TRAPPC10: variants seen among roughly 807,000 people sequenced by gnomAD.
The protein encoded by TRAPPC10 is trafficking protein particle complex subunit 10.
In TRAPPC10, 23 loss-of-function variants were observed where a neutral mutation model predicts 125.5. The observed-to-expected ratio is 0.18, with a 90% CI of 0.13 to 0.26. TRAPPC10 has a LOEUF of 0.26. Among genes scored for constraint, TRAPPC10 ranks in the 10% least tolerant of loss-of-function variants. TRAPPC10 has a pLI of 1.00. For synonymous variants in TRAPPC10, 509 were observed against 518.0 expected (o/e 0.98, Z 0.24); for missense variants, 1,123 against 1,308.4 (o/e 0.86, Z 2.19).
chr21:44,037,715 ATTTGT>A, intron 2 of TRAPPC10, 72 bp from the exon 3 acceptor site: 1 of 1,513,890 alleles, frequency 6.6e-7, no homozygotes, highest in Non-Finnish European at 9.0e-7. Context: ...CCATTACATT[ATTTGT>A]TGTTCTATTT....
chr21:44,054,158 C>T (rs1177275789), intron 4 of TRAPPC10, among the ~76,000 whole-genome samples: 1 of 152,178 alleles, frequency 6.6e-6, no homozygotes, highest in Non-Finnish European at 1.5e-5. Context: ...CTAGCAAGCT[C>T]CTACTGTGGA....
chr21:44,048,091 G>A (rs560157242), intron 3 of TRAPPC10, among the ~76,000 whole-genome samples: 4 of 152,346 alleles, frequency 2.6e-5, no homozygotes, highest in Admixed American at 2.6e-4. Flanking sequence ...TGACTGCCAA[G>A]CATGGGTGCC....
intron 3 of TRAPPC10, among the ~76,000 whole-genome samples, chr21:44,049,730 C>T (rs1276292684): frequency 6.6e-6 from 1 of 152,196 alleles, no homozygotes; most frequent in Admixed American, 6.5e-5. Flanking sequence ...CTGTGCTTGC[C>T]CACCTTGGGC....
In TRAPPC10 at chr21:44,077,673, G is replaced by A. The variant is rs768985869; in HGVS notation, c.1378-20G>A. The A allele has an allele frequency of 4.5e-6, 7 of 1,547,780 alleles. No homozygotes were observed. Among genetic ancestry groups the A allele is most frequent in the Non-Finnish European group, 5.3e-6 (6 of 1,125,574 alleles). On this transcript the variant is annotated intron_variant, in intron 10 of 22. Coordinates refer to ENST00000291574, the MANE Select transcript of TRAPPC10 (RefSeq NM_003274.5). ...TCATTAAAAGTTCAAGTACATAATT[G>A]TGTTTTTACTTCCCCACAGGATTTG...
At chr21:44,016,805 C>G (rs1396640851) in intron 1 of TRAPPC10, among the ~76,000 whole-genome samples, 1 of 152,092 alleles carries the variant, frequency 6.6e-6, no homozygotes, top group Non-Finnish European at 1.5e-5. Flanking sequence ...ACTACAGGCG[C>G]CCGCCACCAC....
In TRAPPC10 at chr21:44,059,547, C is replaced by G; in HGVS notation, c.790+333C>G. ...CTCGTTAGAATCAGAGTGGACGTCC[C>G]TTTGCCTTCCATCCAGGGGTTATCT... is the stretch of plus-strand genomic sequence containing the variant. On this transcript the variant is annotated intron_variant, in intron 6 of 22. Transcript: ENST00000291574. The surrounding 1 kb of genome is among the most constrained non-coding windows in gnomAD (Gnocchi z 4.4). 1.4e-6 allele frequency: 1 copy of G among 727,130 alleles called. No homozygotes were observed. Among genetic ancestry groups the G allele is most frequent in the Non-Finnish European group, 2.6e-6 (1 of 390,228 alleles). The allele number at this position is 727,130 out of a possible 1,614,324, so 45.0% of individuals were successfully genotyped here.
At chr21:44,025,687 A>G (rs1219293824) in intron 1 of TRAPPC10, among the ~76,000 whole-genome samples, 1 of 152,228 alleles carries the variant, frequency 6.6e-6, no homozygotes, top group Admixed American at 6.5e-5. Flanking sequence ...CTTTACGTGT[A>G]GTAGTTCCTT....
At chr21:44,079,463 C>T in intron 11 of TRAPPC10, 101 bp from the exon 12 acceptor site, 8 of 1,360,870 alleles carry the variant, frequency 5.9e-6, no homozygotes, top group Non-Finnish European at 7.9e-6. Context: ...TCTGTCCTGG[C>T]ATGGGGTCTG....
At chr21:44,044,660 C>CTTTTTT (rs34356064) in intron 3 of TRAPPC10, among the ~76,000 whole-genome samples, 19 of 86,334 alleles carry the variant, frequency 2.2e-4, no homozygotes, top group East Asian at 3.5e-4. Flanking sequence ...AAAATCATGT[C>CTTTTTT]TTTTTTTTTT....
intron 1 of TRAPPC10, among the ~76,000 whole-genome samples, chr21:44,027,818 C>G (rs1327242881): frequency 6.6e-6 from 1 of 152,038 alleles, no homozygotes; most frequent in Non-Finnish European, 1.5e-5. Context: ...CTGGAGTCCC[C>G]ACAAAAGGGA....
chr21:44,034,276 C>G (rs2033813352), intron 2 of TRAPPC10, among the ~76,000 whole-genome samples: 1 of 152,020 alleles, frequency 6.6e-6, no homozygotes, highest in Admixed American at 6.6e-5. Flanking sequence ...CAGTTAGACT[C>G]AGGGTCCCCA....
At chr21:44,047,455 G>A (rs1001684724) in intron 3 of TRAPPC10, among the ~76,000 whole-genome samples, 2 of 152,082 alleles carry the variant, frequency 1.3e-5, no homozygotes, top group African/African-American at 4.8e-5. Context: ...ATGAGCCACT[G>A]CACATGGCCT....
intron 18 of TRAPPC10, among the ~76,000 whole-genome samples, chr21:44,090,687 G>A (rs2038512883): frequency 1.3e-5 from 2 of 152,126 alleles, no homozygotes; most frequent in African/African-American, 4.8e-5. Flanking sequence ...CGGTGCTAGC[G>A]TTGATCAATG....
rs973218494 is a variant in TRAPPC10 at position 44,082,698 on chromosome 21, C to T, written c.1724-90C>T. The T allele has an allele frequency of 1.4e-6, 2 of 1,458,902 alleles. No homozygotes were observed. The highest frequency in any genetic ancestry group is 2.3e-5 in the East Asian group (1 of 44,048). The allele number at this position is 1,458,902 out of a possible 1,614,324, so 90.4% of individuals were successfully genotyped here. The stretch of plus-strand genomic sequence containing the variant: ...TCACTGCTGCTTGCTTCAGTCTGCT[C>T]TCGGTGATCTTACTGTGTCCGCGGC... On this transcript the variant is annotated intron_variant, in intron 13 of 22. Transcript: ENST00000291574. This position sits in a 1 kb window ranked among gnomAD's most constrained non-coding sequence, Gnocchi z 4.4.
Position 44,059,811 on chromosome 21 carries a change from AGC to A in TRAPPC10, c.790+598_790+599del. On this transcript the variant is annotated intron_variant, in intron 6 of 22. Coordinates refer to ENST00000291574, the MANE Select transcript of TRAPPC10 (RefSeq NM_003274.5). The surrounding 1 kb of genome is among the most constrained non-coding windows in gnomAD (Gnocchi z 4.4). ...TCTGTCGCTCCTTTTTGTTACTCAC[AGC>A]CCATCCTGGGCATCTCTCCAGGTTA... is the stretch of plus-strand genomic sequence containing the variant. The A allele has an allele frequency of 2.8e-6, 1 of 353,226 alleles. No individual in the cohort carries two copies. Among genetic ancestry groups the A allele is most frequent in the South Asian group, 7.8e-5 (1 of 12,752 alleles). 21.9% of individuals were successfully genotyped at this position (353,226 alleles called of 1,614,324 possible). A position where few individuals can be genotyped will look rare whatever the true frequency, so the allele number is the denominator to read the frequency against.
At chr21:44,094,010 C>T (rs1031389084) in intron 19 of TRAPPC10, 53 bp from the exon 20 acceptor site, 4 of 1,564,338 alleles carry the variant, frequency 2.6e-6, no homozygotes, top group African/African-American at 2.7e-5. Context: ...GTGTCTGTGT[C>T]CTCTTTGCGG....
chr21:44,062,684 G>C lies in TRAPPC10; in HGVS notation c.791-854G>C, dbSNP rs1327218535. On this transcript the variant is annotated intron_variant, in intron 6 of 22. Coordinates refer to ENST00000291574, the MANE Select transcript of TRAPPC10 (RefSeq NM_003274.5). ...CAGCGGGTCCACTCCACACTGCTGG[G>C]TGCTCCAATAGCCCTGAGGATGCTG... 8.1e-6 allele frequency: 8 copies of C among 985,246 alleles called. No homozygotes were observed. In the Admixed American group the frequency reaches 4.9e-4, roughly 61 times the overall value. The allele number at this position is 985,246 out of a possible 1,614,324, so 61.0% of individuals were successfully genotyped here.
intron 1 of TRAPPC10, among the ~76,000 whole-genome samples, chr21:44,026,811 GCC>G (rs1569144980): frequency 6.6e-6 from 1 of 152,098 alleles, no homozygotes; most frequent in African/African-American, 2.4e-5. Flanking sequence ...CATGGTTGAG[GCC>G]CCCAGCTGTG....
chr21:44,095,449 G>C (rs1306420090), intron 20 of TRAPPC10, among the ~76,000 whole-genome samples: 1 of 151,734 alleles, frequency 6.6e-6, no homozygotes, highest in South Asian at 2.1e-4. Context: ...TGTTGATCAG[G>C]CTGGTCTCAA....
Sources: gnomAD v4.1 joint callset for allele counts (sites outside exome capture counted in the v4.1 genomes callset) on GRCh38, gnomAD v4.1.1 for gene constraint, Gnocchi (gnomAD v3.1) non-coding constraint, MANE v1.5 for transcripts, NCBI Gene and HGNC (gene_info 2026-07-23, HGNC 2026-07-21) for gene names.